CSNK2A2IP: variants seen among roughly 807,000 people sequenced by gnomAD.
CSNK2A2IP encodes casein kinase II subunit alpha'-interacting protein.
At chr3:88,349,078 C>G in the CSNK2A2IP span, among the ~76,000 whole-genome samples, 1 of 151,940 alleles carries the variant, frequency 6.6e-6, no homozygotes, top group African/African-American at 2.4e-5. Flanking sequence ...TTTCTCTCCC[C>G]CTTTCCATTC....
chr3:88,450,160 C>T, the CSNK2A2IP span, among the ~76,000 whole-genome samples: 1 of 151,974 alleles, frequency 6.6e-6, no homozygotes, highest in Admixed American at 6.6e-5. Context: ...TGATCCACCA[C>T]ACCCAGCCTA....
chr3:88,380,484 A>G, the CSNK2A2IP span, among the ~76,000 whole-genome samples: 2 of 151,596 alleles, frequency 1.3e-5, no homozygotes, highest in African/African-American at 4.8e-5. Context: ...CTTAAATATT[A>G]TATTTGATTA....
At chr3:88,367,073 C>T in the CSNK2A2IP span, among the ~76,000 whole-genome samples, 77 of 152,132 alleles carry the variant, frequency 5.1e-4, no homozygotes, top group Middle Eastern at 0.024. Flanking sequence ...ATGGGAACTA[C>T]AATTTAAGAT....
At chr3:88,402,801 G>A in the CSNK2A2IP span, among the ~76,000 whole-genome samples, 1 of 152,004 alleles carries the variant, frequency 6.6e-6, no homozygotes, top group African/African-American at 2.4e-5. Context: ...ATGTAAGGGG[G>A]ATGATTGCAC....
chr3:88,450,661 T>TA, the CSNK2A2IP span, among the ~76,000 whole-genome samples: 1 of 152,098 alleles, frequency 6.6e-6, no homozygotes, highest in Non-Finnish European at 1.5e-5. Flanking sequence ...TGTGTATATA[T>TA]AGAGTACAGT....
chr3:88,450,139 G>C, the CSNK2A2IP span, among the ~76,000 whole-genome samples: 10 of 151,834 alleles, frequency 6.6e-5, no homozygotes, highest in Non-Finnish European at 5.9e-5. Flanking sequence ...AAAGTGCTGG[G>C]ATTATGGATG....
chr3:88,348,649 G>GA, the CSNK2A2IP span, among the ~76,000 whole-genome samples: 1 of 152,016 alleles, frequency 6.6e-6, no homozygotes, highest in Admixed American at 6.6e-5. Flanking sequence ...AGGGTTTCCT[G>GA]AAAACCCTTT....
chr3:88,411,848 T>C, the CSNK2A2IP span, among the ~76,000 whole-genome samples: 2 of 150,958 alleles, frequency 1.3e-5, no homozygotes, highest in Admixed American at 1.3e-4. Context: ...ATTAAATATA[T>C]TTCAACATAT....
chr3:88,339,233 G>A, the CSNK2A2IP span, among the ~76,000 whole-genome samples: 17 of 151,598 alleles, frequency 1.1e-4, no homozygotes, highest in Admixed American at 2.0e-4. Flanking sequence ...CCCAGCCTCT[G>A]GTAACCATCA....
the CSNK2A2IP span, among the ~76,000 whole-genome samples, chr3:88,367,642 C>T: frequency 1.3e-5 from 2 of 152,066 alleles, no homozygotes; most frequent in South Asian, 4.2e-4. Flanking sequence ...AAAACAGATC[C>T]CTAAGTCTGA....
the CSNK2A2IP span, among the ~76,000 whole-genome samples, chr3:88,358,344 C>G: frequency 6.6e-6 from 1 of 152,214 alleles, no homozygotes; most frequent in African/African-American, 2.4e-5. Context: ...TATCTAATTA[C>G]TTCGGCTAAG....
the CSNK2A2IP span, among the ~76,000 whole-genome samples, chr3:88,408,119 T>A: frequency 6.6e-6 from 1 of 152,222 alleles, no homozygotes; most frequent in African/African-American, 2.4e-5. Context: ...CACCAGTACT[T>A]AATTCACTTA....
chr3:88,358,025 T>C, the CSNK2A2IP span, among the ~76,000 whole-genome samples: 1 of 152,146 alleles, frequency 6.6e-6, no homozygotes, highest in Non-Finnish European at 1.5e-5. Context: ...ATCAGTGTTT[T>C]ATAATTTTCA....
At chr3:88,419,187 C>G in the CSNK2A2IP span, among the ~76,000 whole-genome samples, 1 of 152,094 alleles carries the variant, frequency 6.6e-6, no homozygotes, top group Non-Finnish European at 1.5e-5. Flanking sequence ...ATAAAGTGCA[C>G]AATAAATGTA....
the CSNK2A2IP span, among the ~76,000 whole-genome samples, chr3:88,443,054 A>C: frequency 1.3e-5 from 2 of 152,154 alleles, no homozygotes; most frequent in Non-Finnish European, 2.9e-5. Context: ...TAAAATCCAA[A>C]TTCCCTACCT....
the CSNK2A2IP span, among the ~76,000 whole-genome samples, chr3:88,347,213 A>G: frequency 1.3e-5 from 2 of 152,014 alleles, no homozygotes; most frequent in Non-Finnish European, 2.9e-5. Flanking sequence ...CTCCTGGTGA[A>G]GATGCTAGGA....
the CSNK2A2IP span, among the ~76,000 whole-genome samples, chr3:88,394,135 G>A: frequency 2.1e-3 from 325 of 152,228 alleles, 2 homozygotes; most frequent in African/African-American, 7.5e-3. Flanking sequence ...AACATAAACT[G>A]TGTATAAAGA....
At chr3:88,364,355 A>G in the CSNK2A2IP span, among the ~76,000 whole-genome samples, 1 of 151,958 alleles carries the variant, frequency 6.6e-6, no homozygotes, top group African/African-American at 2.4e-5. Flanking sequence ...TGAAATCAGG[A>G]GATTATAAAA....
At chr3:88,395,218 C>T in the CSNK2A2IP span, among the ~76,000 whole-genome samples, 1 of 152,104 alleles carries the variant, frequency 6.6e-6, no homozygotes, top group African/African-American at 2.4e-5. Context: ...TTCCAATTAT[C>T]AATTTTTATG....
Sources: allele counts gnomAD v4.1 joint callset (sites outside exome capture counted in the v4.1 genomes callset), GRCh38; gene constraint gnomAD v4.1.1; transcripts MANE v1.5; gene names NCBI Gene and HGNC (gene_info 2026-07-23, HGNC 2026-07-21).